BCKDHB: variants seen among roughly 807,000 people sequenced by gnomAD.
The protein encoded by BCKDHB is branched chain keto acid dehydrogenase E1 subunit beta, also known as 2-oxoisovalerate dehydrogenase subunit beta, mitochondrial.
In BCKDHB, 41 loss-of-function variants were observed where a neutral mutation model predicts 48.5. That is an observed-to-expected ratio of 0.85 (90% CI 0.66 to 1.10). The LOEUF is 1.10. Ranked by LOEUF, BCKDHB falls within the 50% of genes least tolerant of loss-of-function variation. The pLI is 0.00. For missense variants in BCKDHB, 496 were observed against 494.2 expected (o/e 1.00, Z -0.03); for synonymous variants, 201 against 174.8 (o/e 1.15, Z -1.18).
chr6:80,139,548 T>G (rs1771076048), intron 3 of BCKDHB, among the ~76,000 whole-genome samples: 1 of 150,706 alleles, frequency 6.6e-6, no homozygotes, highest in African/African-American at 2.4e-5. Context: ...CAGCACCATT[T>G]ATTAAATAGG....
chr6:80,255,237 A>G (rs1463283133), intron 8 of BCKDHB, among the ~76,000 whole-genome samples: 1 of 152,182 alleles, frequency 6.6e-6, no homozygotes, highest in Non-Finnish European at 1.5e-5. Flanking sequence ...TGTAATATGG[A>G]AAAGAGATAA....
intron 9 of BCKDHB, among the ~76,000 whole-genome samples, chr6:80,324,887 G>A (rs1768954303): frequency 6.6e-6 from 1 of 152,170 alleles, no homozygotes; most frequent in South Asian, 2.1e-4. Flanking sequence ...AGTAACTGAG[G>A]CTGGGGGAAT....
intron 3 of BCKDHB, among the ~76,000 whole-genome samples, chr6:80,138,799 A>G (rs560199059): frequency 1.4e-4 from 22 of 151,790 alleles, no homozygotes; most frequent in Middle Eastern, 3.4e-3. Flanking sequence ...ATGATTTATA[A>G]TCCTTTGGGT....
intron 9 of BCKDHB, among the ~76,000 whole-genome samples, chr6:80,321,112 A>AG (rs1768692442): frequency 6.6e-6 from 1 of 152,170 alleles, no homozygotes; most frequent in Non-Finnish European, 1.5e-5. Flanking sequence ...TAGACAATAT[A>AG]GTTCATCTAG....
chr6:80,175,015 A>C (rs1773083729), intron 6 of BCKDHB, among the ~76,000 whole-genome samples: 1 of 152,198 alleles, frequency 6.6e-6, no homozygotes, highest in Non-Finnish European at 1.5e-5. Flanking sequence ...GTAATATGGA[A>C]ATTTATTTAT....
the BCKDHB span, among the ~76,000 whole-genome samples, chr6:80,404,230 T>A: frequency 0.026 from 3,905 of 152,088 alleles, 131 homozygotes; most frequent in African/African-American, 0.075. Context: ...GAATTTTTTT[T>A]AAAATGACTG....
At chr6:80,343,039 A>G (rs1770001340) in intron 9 of BCKDHB, among the ~76,000 whole-genome samples, 1 of 152,186 alleles carries the variant, frequency 6.6e-6, no homozygotes, top group South Asian at 2.1e-4. Context: ...AGGTGCTGTC[A>G]AGGAAGGCTT....
the BCKDHB span, among the ~76,000 whole-genome samples, chr6:80,358,576 A>G: frequency 6.6e-6 from 1 of 152,370 alleles, no homozygotes; most frequent in African/African-American, 2.4e-5. Context: ...ATGTGGTAAC[A>G]TGGATAAACC....
At chr6:80,181,962 CT>C (rs1449033335) in intron 6 of BCKDHB, among the ~76,000 whole-genome samples, 1 of 152,090 alleles carries the variant, frequency 6.6e-6, no homozygotes, top group African/African-American at 2.4e-5. Flanking sequence ...CTACTGTTGA[CT>C]TTTTGTTTTA....
chr6:80,324,514 A>G (rs1042739147), intron 9 of BCKDHB, among the ~76,000 whole-genome samples: 4 of 150,420 alleles, frequency 2.7e-5, no homozygotes, highest in African/African-American at 9.9e-5. Context: ...GAAACACAAC[A>G]TACCTGAGAA....
At chr6:80,194,165 T>C (rs563736703) in intron 6 of BCKDHB, among the ~76,000 whole-genome samples, 3 of 152,330 alleles carry the variant, frequency 2.0e-5, no homozygotes, top group South Asian at 4.1e-4. Flanking sequence ...CACAACTTAT[T>C]TTCCCAGCCA....
chr6:80,401,048 A>G, the BCKDHB span, among the ~76,000 whole-genome samples: 1 of 147,264 alleles, frequency 6.8e-6, no homozygotes, highest in Non-Finnish European at 1.5e-5. Flanking sequence ...AACAACAGAC[A>G]GTGGGGCCTA....
chr6:80,300,561 G>C (rs1341507091), intron 9 of BCKDHB, among the ~76,000 whole-genome samples: 1 of 152,144 alleles, frequency 6.6e-6, no homozygotes, highest in Non-Finnish European at 1.5e-5. Flanking sequence ...AGTAATAGTA[G>C]GAGACTTCAA....
the BCKDHB span, among the ~76,000 whole-genome samples, chr6:80,405,581 T>A: frequency 1.6e-4 from 25 of 152,154 alleles, no homozygotes; most frequent in Non-Finnish European, 3.4e-4. Context: ...CTTTTCTGGC[T>A]ATTTTGTAGT....
intron 8 of BCKDHB, among the ~76,000 whole-genome samples, chr6:80,210,802 A>T (rs138866295): frequency 1.1e-4 from 17 of 152,214 alleles, no homozygotes; most frequent in African/African-American, 2.9e-4. Flanking sequence ...GGAGCTCATA[A>T]GTAGGGCTGT....
the BCKDHB span, among the ~76,000 whole-genome samples, chr6:80,425,915 T>C: frequency 6.6e-6 from 1 of 152,214 alleles, no homozygotes; most frequent in African/African-American, 2.4e-5. Flanking sequence ...ACTTTGTGTC[T>C]AAGATAAAAA....
At chr6:80,369,800 A>G in the BCKDHB span, among the ~76,000 whole-genome samples, 1 of 152,244 alleles carries the variant, frequency 6.6e-6, no homozygotes, top group Non-Finnish European at 1.5e-5. Flanking sequence ...GCCAACTTAG[A>G]ACCCAGTATC....
the BCKDHB span, among the ~76,000 whole-genome samples, chr6:80,414,796 C>T: frequency 1.3e-5 from 2 of 152,114 alleles, no homozygotes; most frequent in South Asian, 2.1e-4. Flanking sequence ...GTAAAAAATG[C>T]CAATTGTAGT....
At chr6:80,300,235 A>G (rs1330074372) in intron 9 of BCKDHB, among the ~76,000 whole-genome samples, 1 of 152,088 alleles carries the variant, frequency 6.6e-6, no homozygotes, top group Non-Finnish European at 1.5e-5. Context: ...TGTTTTTAGT[A>G]GAGTCAGGGC....
Sources: allele counts gnomAD v4.1 joint callset (sites outside exome capture counted in the v4.1 genomes callset), GRCh38; gene constraint gnomAD v4.1.1; transcripts MANE v1.5; gene names NCBI Gene and HGNC (gene_info 2026-07-23, HGNC 2026-07-21).